SLC30A7: variants seen among roughly 807,000 people sequenced by gnomAD.
The protein encoded by SLC30A7 is solute carrier family 30 member 7.
Under a neutral mutation model 46.0 loss-of-function variants are expected in SLC30A7, and 35 were observed. The ratio of observed to expected loss-of-function variants is 0.76; its 90% CI spans 0.58 to 1.01. The LOEUF is 1.01. SLC30A7 is among the 50% of genes least tolerant of loss of function. The pLI, the probability that SLC30A7 is intolerant of heterozygous loss-of-function variation, is 0.00. For synonymous variants in SLC30A7, 147 were observed against 157.8 expected, an observed-to-expected ratio of 0.93 and a Z score of 0.51; for missense variants, 464 against 451.1, an observed-to-expected ratio of 1.03 and a Z score of -0.26.
At chr1:100,988,691 A>G in the SLC30A7 span, among the ~76,000 whole-genome samples, 2 of 151,716 alleles carry the variant, frequency 1.3e-5, no homozygotes, top group Admixed American at 1.3e-4. Flanking sequence ...ACACACACAC[A>G]CACAAAATAG....
rs1251769867 is a variant in SLC30A7 at position 100,975,518 on chromosome 1, T to A, written c.*661T>A. ...ATGTACCATCAAGAGTCATGTATGT[T>A]TTATTTTTGTTTTTATTTTTTATTT... On this transcript the variant is annotated 3_prime_UTR_variant, in exon 11 of 11. Coordinates refer to ENST00000357650, the MANE Select transcript of SLC30A7 (RefSeq NM_133496.5). 1.3e-5 allele frequency: 2 copies of A among 152,520 alleles called. No individual in the cohort carries two copies. Among genetic ancestry groups the A allele is most frequent in the African/African-American group, 4.8e-5 (2 of 41,398 alleles). 9.4% of individuals were successfully genotyped at this position (152,520 alleles called of 1,614,324 possible).
At chr1:100,942,481 C>A (rs1228468810) in intron 8 of SLC30A7, among the ~76,000 whole-genome samples, 1 of 152,174 alleles carries the variant, frequency 6.6e-6, no homozygotes, top group Non-Finnish European at 1.5e-5. Flanking sequence ...CAGCAACAAT[C>A]AACACAGTAG....
chr1:100,905,429 T>C (rs928300218), intron 2 of SLC30A7, among the ~76,000 whole-genome samples: 11 of 152,262 alleles, frequency 7.2e-5, no homozygotes, highest in African/African-American at 2.6e-4. Flanking sequence ...ATCTGTGATT[T>C]ATTTTCTTTT....
At chr1:100,931,568 G>A (rs1653667257) in intron 8 of SLC30A7, among the ~76,000 whole-genome samples, 1 of 151,936 alleles carries the variant, frequency 6.6e-6, no homozygotes, top group African/African-American at 2.4e-5. Context: ...TTACTGTTCA[G>A]TTACCAGAAT....
intron 8 of SLC30A7, among the ~76,000 whole-genome samples, chr1:100,930,644 C>T (rs1406718238): frequency 6.6e-6 from 1 of 150,924 alleles, no homozygotes; most frequent in African/African-American, 2.4e-5. Flanking sequence ...TTACTTTTTT[C>T]AAAATTGTTT....
At chr1:100,968,564 A>G (rs1655988678) in intron 10 of SLC30A7, among the ~76,000 whole-genome samples, 1 of 152,138 alleles carries the variant, frequency 6.6e-6, no homozygotes, top group Non-Finnish European at 1.5e-5. Flanking sequence ...TTTAGCATGA[A>G]CCAACAGACT....
rs1282198143 is a variant in SLC30A7 at position 100,976,369 on chromosome 1, T to G, written c.*1512T>G. On this transcript the variant is annotated 3_prime_UTR_variant, in exon 11 of 11. Transcript: ENST00000357650. ...AAAGCAGCATTTTATTGAGTTTGAA[T>G]TATTAAAGGTACAGAGGAAATGTGG... 6.6e-6 allele frequency: 1 copy of G among 152,208 alleles called. No individual in the cohort carries two copies. Among genetic ancestry groups the G allele is most frequent in the Non-Finnish European group, 1.5e-5 (1 of 68,038 alleles). 9.4% of individuals were successfully genotyped at this position (152,208 alleles called of 1,614,324 possible).
the SLC30A7 span, among the ~76,000 whole-genome samples, chr1:100,991,889 T>A: frequency 6.6e-6 from 1 of 151,080 alleles, no homozygotes; most frequent in South Asian, 2.1e-4. Context: ...GGAGGATTGC[T>A]TGAGCCAAGG....
At chr1:100,908,990 G>C (rs1651895115) in intron 3 of SLC30A7, among the ~76,000 whole-genome samples, 1 of 151,628 alleles carries the variant, frequency 6.6e-6, no homozygotes, top group African/African-American at 2.4e-5. Context: ...TTAGCTAGTT[G>C]ATGTAAGAGA....
intron 2 of SLC30A7, among the ~76,000 whole-genome samples, chr1:100,903,286 C>T (rs529873656): frequency 1.1e-4 from 17 of 151,840 alleles, no homozygotes; most frequent in Admixed American, 2.6e-4. Flanking sequence ...CTTGGGGGAT[C>T]GAAAACAAAA....
chr1:100,986,131 C>G (rs1225220978), downstream of SLC30A7, among the ~76,000 whole-genome samples: 1 of 152,184 alleles, frequency 6.6e-6, no homozygotes, highest in East Asian at 1.9e-4. Flanking sequence ...CCACTGCGGC[C>G]AGGCACAGTG....
chr1:100,950,009 G>A (rs1162238277), intron 8 of SLC30A7, among the ~76,000 whole-genome samples: 1 of 152,214 alleles, frequency 6.6e-6, no homozygotes, highest in East Asian at 1.9e-4. Context: ...CTCGCTCTCT[G>A]CAGGGTGCAC....
chr1:100,990,325 T>C, the SLC30A7 span: 13 of 1,280,782 alleles, frequency 1.0e-5, no homozygotes, highest in Non-Finnish European at 1.3e-5. Flanking sequence ...AAATTCAAGA[T>C]GAGACTTGGG....
At chr1:100,946,392 T>C (rs1181188471) in intron 8 of SLC30A7, among the ~76,000 whole-genome samples, 1 of 152,250 alleles carries the variant, frequency 6.6e-6, no homozygotes, top group East Asian at 1.9e-4. Context: ...CTTCCAGTTT[T>C]TGCCCATTTA....
chr1:100,941,250 C>G (rs1270723076), intron 8 of SLC30A7: 1 of 377,126 alleles, frequency 2.7e-6, no homozygotes, highest in African/African-American at 2.1e-5. Flanking sequence ...TTAACCATCC[C>G]ACTGCCACCA....
At chr1:100,902,802 T>C (rs779830449) in intron 2 of SLC30A7, among the ~76,000 whole-genome samples, 24 of 152,198 alleles carry the variant, frequency 1.6e-4, no homozygotes, top group African/African-American at 4.8e-4. Flanking sequence ...CTTAATGACC[T>C]AATATTAACT....
chr1:100,914,858 G>A (rs1321923819), intron 6 of SLC30A7, among the ~76,000 whole-genome samples: 1 of 152,054 alleles, frequency 6.6e-6, no homozygotes, highest in Admixed American at 6.5e-5. Flanking sequence ...CTTGAACCCA[G>A]GAGGCGGAGG....
At chr1:100,995,862 A>AGCAACC in the SLC30A7 span, 1 of 152,260 alleles carries the variant, frequency 6.6e-6, no homozygotes, top group East Asian at 1.9e-4. Flanking sequence ...CAACAGCAAC[A>AGCAACC]GCAACAGCTG....
intron 7 of SLC30A7, among the ~76,000 whole-genome samples, chr1:100,918,876 A>T (rs766171513): frequency 5.3e-5 from 8 of 152,198 alleles, no homozygotes; most frequent in Non-Finnish European, 8.8e-5. Flanking sequence ...ATAGCACATT[A>T]TTGCCAGCCC....
Sources: allele counts gnomAD v4.1 joint callset (sites outside exome capture counted in the v4.1 genomes callset), GRCh38; gene constraint gnomAD v4.1.1; transcripts MANE v1.5; gene names NCBI Gene and HGNC (gene_info 2026-07-23, HGNC 2026-07-21).